Variants in ABCA5 observed in about 807,000 individuals in gnomAD.
The protein encoded by ABCA5 is ATP binding cassette subfamily A member 5.
In ABCA5, 163 loss-of-function variants were observed where a neutral mutation model predicts 206.0. The ratio of observed to expected loss-of-function variants is 0.79; its 90% CI spans 0.70 to 0.90. The LOEUF is 0.90. Ranked by LOEUF, ABCA5 falls within the 40% of genes least tolerant of loss-of-function variation. The pLI is 0.00. For missense variants in ABCA5, 1,859 were observed against 1,912.9 expected, an observed-to-expected ratio of 0.97 and a Z score of 0.53; for synonymous variants, 609 against 613.8, an observed-to-expected ratio of 0.99 and a Z score of 0.11.
intron 1 of ABCA5, among the ~76,000 whole-genome samples, chr17:69,320,798 G>A (rs1418389493): frequency 6.6e-6 from 1 of 152,106 alleles, no homozygotes; most frequent in African/African-American, 2.4e-5. Flanking sequence ...GGCCCAATTT[G>A]AAAAGGGATA....
Position 69,247,623 on chromosome 17 carries a change from CT to C in ABCA5, c.4842del (p.Glu1615AsnfsTer12). 2 of 1,609,114 alleles carry C rather than the reference CT, an allele frequency of 1.2e-6. No homozygotes were observed. Among genetic ancestry groups the C allele is most frequent in the Non-Finnish European group, 1.7e-6 (2 of 1,177,994 alleles). Reference protein sequence around the residue: ...TLEQVFVELTKEQEEEDNSCG... With the variant: ...TLEQVFVELTXEQEEEDNSCG... ...CAACTATTATCTTCCTCCTCTTGTT[CT>C]TTAGTGAGTTCTACAAAAACCTAGG... On this transcript the variant is annotated frameshift_variant, in exon 39 of 39. Coordinates refer to ENST00000392676, the MANE Select transcript of ABCA5 (RefSeq NM_172232.4). LOFTEE classifies it high-confidence loss of function.
chr17:69,259,187 T>C (rs1253149821), intron 28 of ABCA5, among the ~76,000 whole-genome samples: 1 of 151,960 alleles, frequency 6.6e-6, no homozygotes, highest in Non-Finnish European at 1.5e-5. Flanking sequence ...TCATAATAGT[T>C]GAAAAGTAAA....
chr17:69,284,192 CA>C, intron 17 of ABCA5, 120 bp from the exon 18 acceptor site: 1 of 797,476 alleles, frequency 1.3e-6, no homozygotes. Flanking sequence ...CCCATCTCTA[CA>C]AAAAATAAAA....
chr17:69,282,980 C>CTTTTT (rs1048269473), intron 18 of ABCA5, among the ~76,000 whole-genome samples: 4 of 112,978 alleles, frequency 3.5e-5, no homozygotes, highest in South Asian at 3.2e-4. Flanking sequence ...TGTTCTTTCC[C>CTTTTT]TTTTTTTTTT....
Position 69,309,320 on chromosome 17 carries a change from A to G in ABCA5, c.411T>C (p.Tyr137=), listed in dbSNP as rs2075747969. 4 of 1,603,830 alleles carry G rather than the reference A, an allele frequency of 2.5e-6. No homozygotes were observed. The highest frequency in any genetic ancestry group is 3.4e-6 in the Non-Finnish European group (4 of 1,177,248). ...TCATATCAGGAAAAAAACGAAGTTC[A>G]TAGGACATGGAGTCTTTGAAAACCA... The part of the protein sequence containing the change: ...VGVVFKDSMS[Y]ELRFFPDMIP... The change falls in exon 4 of 39, where the codon TAT becomes TAC. Residue 137 remains tyrosine, a synonymous_variant. Transcript: ENST00000392676.
chr17:69,291,423 T>G (rs2075525400), intron 11 of ABCA5, 97 bp from the exon 12 acceptor site: 1 of 669,554 alleles, frequency 1.5e-6, no homozygotes, highest in Admixed American at 3.0e-5. Flanking sequence ...AGGCACTATA[T>G]CTATAAATAC....
chr17:69,293,218 G>A (rs544145897), intron 11 of ABCA5, among the ~76,000 whole-genome samples: 1 of 152,154 alleles, frequency 6.6e-6, no homozygotes, highest in East Asian at 1.9e-4. Flanking sequence ...TGGGGGATTA[G>A]GGAAGGTTTA....
chr17:69,264,778 A>G lies in ABCA5; in HGVS notation c.3272T>C (p.Phe1091Ser), dbSNP rs551564563. 10 of 1,590,732 alleles carry G rather than the reference A, an allele frequency of 6.3e-6. No homozygotes were observed. The East Asian group carries it at 1.6e-4, about 25-fold the overall frequency. The change falls in exon 24 of 39, where the codon TTT (phenylalanine) becomes TCT (serine). Residue 1091 changes from phenylalanine (F) to serine (S), a missense_variant. Physicochemically the swap from Phe to Ser is radical, Grantham distance 155 (BLOSUM62 -2). Transcript: ENST00000392676. Reference sequence around the variant, plus strand: ...AGTATAAAAATATAATCCATAATGAAATGCCAATAAGCTTCCTAGCATCAA... The same window carrying G: ...AGTATAAAAATATAATCCATAATGAGATGCCAATAAGCTTCCTAGCATCAA... Reference protein sequence around the residue: ...LILMLGSLLAFHYGLYFYTVK... With the variant: ...LILMLGSLLASHYGLYFYTVK...
In ABCA5 at chr17:69,304,736, G is replaced by C. The variant is rs376924166; in HGVS notation, c.863C>G (p.Ser288Cys). Residue 288 changes from serine to cysteine, a missense_variant, in exon 7 of 39, where the codon TCT (serine) becomes TGT (cysteine). Ser to Cys is a moderately radical substitution (Grantham distance 112). Transcript: ENST00000392676. ...GCTGCTACTTTGAGGAAATAACAAA[G>C]AAGCTGTCGCAATGACTGCCATAAG... ...SLLMAVIATA[S>C]LLFPQSSSIV... is the part of the protein sequence containing the mutation. The C allele has an allele frequency of 1.7e-5, 28 of 1,609,698 alleles. No individual in the cohort carries two copies. The Middle Eastern group carries it at 8.3e-4, about 48-fold the overall frequency.
chr17:69,262,130 ATAAAG>A (rs1389516237), intron 24 of ABCA5, among the ~76,000 whole-genome samples: 2 of 152,210 alleles, frequency 1.3e-5, no homozygotes, highest in Non-Finnish European at 2.9e-5. Flanking sequence ...CTTTTTCCTA[ATAAAG>A]TAATCAATGA....
At chr17:69,306,439 T>C (rs1391498299) in intron 6 of ABCA5, among the ~76,000 whole-genome samples, 1 of 152,058 alleles carries the variant, frequency 6.6e-6, no homozygotes, top group African/African-American at 2.4e-5. Flanking sequence ...TGAAATACAC[T>C]GAAATATACA....
At chr17:69,250,343 T>TCA in intron 36 of ABCA5, 129 bp downstream of exon 36, 1 of 670,734 alleles carries the variant, frequency 1.5e-6, no homozygotes, top group Non-Finnish European at 2.3e-6. Context: ...ACATATATAT[T>TCA]CACACACAGA....
chr17:69,277,614 A>C (rs1352428400), intron 19 of ABCA5, 27 bp downstream of exon 19: 8 of 1,525,672 alleles, frequency 5.2e-6, no homozygotes, highest in Non-Finnish European at 7.0e-6. Context: ...GCAATCCATC[A>C]GGTATAAGGG....
rs1397586068 is a variant in ABCA5, at chr17:69,288,075, AC to A, written c.1903-325del. On this transcript the variant is annotated intron_variant, in intron 14 of 38. Coordinates refer to ENST00000392676, the MANE Select transcript of ABCA5 (RefSeq NM_172232.4). ...TAACAATTAAATTTGTAGATGTAAC[AC>A]TTGCTTTTTTGGAGAAGAATATATG... Among the ~76,000 whole-genome samples, 15 of 152,304 alleles carry A rather than the reference AC, an allele frequency of 9.8e-5. No homozygotes were observed. The East Asian group carries it at 1.9e-3, about 20-fold the overall frequency.
intron 15 of ABCA5, among the ~76,000 whole-genome samples, chr17:69,286,536 A>G (rs2075455997): frequency 2.6e-5 from 4 of 152,202 alleles, no homozygotes; most frequent in Admixed American, 2.0e-4. Context: ...TACAGCTATT[A>G]AGTAACAAAG....
chr17:69,244,600 T>G lies in ABCA5; in HGVS notation c.*2937A>C, dbSNP rs1406489842. 6.6e-6 allele frequency: 1 copy of G among 151,660 alleles called. No homozygotes were observed. The highest frequency in any genetic ancestry group is 1.5e-5 in the Non-Finnish European group (1 of 67,796). The allele number at this position is 151,660 out of a possible 1,614,324, so 9.4% of individuals were successfully genotyped here. A position where few individuals can be genotyped will look rare whatever the true frequency, so the allele number is the denominator to read the frequency against. On this transcript the variant is annotated 3_prime_UTR_variant, in exon 39 of 39. Transcript: ENST00000392676. ...CTTTCATTTTAGGAAATAAGCTATTTCAGGAAAGAAAATAAAAAATCAATG... is the reference window on the plus strand; with the variant it reads ...CTTTCATTTTAGGAAATAAGCTATTGCAGGAAAGAAAATAAAAAATCAATG...
In ABCA5 at chr17:69,326,721, G is replaced by A. The variant is rs1238673886; in HGVS notation, c.-16+331C>T. Among the ~76,000 whole-genome samples the A allele has an allele frequency of 6.6e-6, 1 of 152,172 alleles. No homozygotes were observed. The highest frequency in any genetic ancestry group is 2.4e-5 in the African/African-American group (1 of 41,446). ...AGCGTCCAGGCAAAGGCAGTGTCCC[G>A]AAGTCCCACGGCCGGACCCGGTCCC... On this transcript the variant is annotated intron_variant, in intron 1 of 38. Transcript: ENST00000392676. This position sits in a 1 kb window ranked among gnomAD's most constrained non-coding sequence, Gnocchi z 4.8.
chr17:69,321,149 G>A (rs926084351), intron 1 of ABCA5, among the ~76,000 whole-genome samples: 2 of 152,102 alleles, frequency 1.3e-5, no homozygotes, highest in Non-Finnish European at 2.9e-5. Flanking sequence ...GGGAAAACTG[G>A]GATGAAGGAA....
Position 69,260,313 on chromosome 17 carries a change from T to C in ABCA5, c.3639+25A>G, listed in dbSNP as rs113845526. On this transcript the variant is annotated intron_variant, in intron 27 of 38. Coordinates refer to ENST00000392676, the MANE Select transcript of ABCA5 (RefSeq NM_172232.4). ...AAACCATTCTTAAGGTACATGCTAA[T>C]TCACAAAAACACTTTATTTCTTACC... 5.8e-6 allele frequency: 9 copies of C among 1,550,086 alleles called. No individual in the cohort carries two copies. In the African/African-American group the frequency reaches 8.2e-5, roughly 14 times the overall value.
Sources: allele counts gnomAD v4.1 joint callset (sites outside exome capture counted in the v4.1 genomes callset), GRCh38; gene constraint gnomAD v4.1.1; non-coding constraint Gnocchi (gnomAD v3.1); transcripts MANE v1.5; gene names NCBI Gene and HGNC (gene_info 2026-07-23, HGNC 2026-07-21).